The following CCZ1B variants were observed in gnomAD, a reference collection of about 807,000 sequenced individuals.
CCZ1B encodes the protein CCZ1B vacuolar protein trafficking and biogenesis associated, also known as vacuolar fusion protein CCZ1 homolog B.
Under a neutral mutation model 58.8 loss-of-function variants are expected in CCZ1B, and 25 were observed. That is an observed-to-expected ratio of 0.43 (90% CI 0.31 to 0.59). The LOEUF is 0.59. CCZ1B is among the 20% of genes least tolerant of loss of function. CCZ1B has a pLI of 0.12. For synonymous variants in CCZ1B, 66 were observed against 173.2 expected, an observed-to-expected ratio of 0.38 and a Z score of 4.86; for missense variants, 180 against 501.5, an observed-to-expected ratio of 0.36 and a Z score of 6.12.
Position 6,822,340 on chromosome 7 carries a change from C to G in CCZ1B, c.463G>C (p.Ala155Pro). ...AGCTTGACGCCTCCGTCTTCCATGGCTTTCAGAAATGTACCATTAAAAAGC... is the reference window on the plus strand; with the variant it reads ...AGCTTGACGCCTCCGTCTTCCATGGGTTTCAGAAATGTACCATTAAAAAGC... ...YKLFNGTFLK[A>P]MEDGGVKLLK... The change falls in exon 6 of 15, where the codon GCC becomes CCC. Residue 155 changes from alanine (A) to proline (P), a missense_variant. Transcript: ENST00000316731. The G allele has an allele frequency of 6.3e-7, 1 of 1,593,958 alleles. No homozygotes were observed. The highest frequency in any genetic ancestry group is 8.5e-7 in the Non-Finnish European group (1 of 1,174,644).
chr7:6,823,515 CTT>C (rs897480782), intron 4 of CCZ1B, among the ~76,000 whole-genome samples, 155 bp from the exon 5 acceptor site: 17 of 104,874 alleles, frequency 1.6e-4, no homozygotes, highest in South Asian at 9.2e-4. Context: ...TGTTTGCGTT[CTT>C]TTTTTTTTTT....
rs571551167 is a variant in CCZ1B at position 6,811,845 on chromosome 7, A to G, written c.954+107T>C. 10 of 814,176 alleles carry G rather than the reference A, an allele frequency of 1.2e-5. No homozygotes were observed. In the South Asian group the frequency reaches 1.3e-4, roughly 11 times the overall value. The allele number at this position is 814,176 out of a possible 1,614,324, so 50.4% of individuals were successfully genotyped here. A position where few individuals can be genotyped will look rare whatever the true frequency, so the allele number is the denominator to read the frequency against. ...TTTTACCATAATCAGAACTTCCAAT[A>G]TCTTTTCCAAGAAACATTTAAGAGG... On this transcript the variant is annotated intron_variant, in intron 10 of 14. Transcript: ENST00000316731.
At chr7:6,817,878 C>A (rs1297329824) in intron 7 of CCZ1B, among the ~76,000 whole-genome samples, 1 of 148,854 alleles carries the variant, frequency 6.7e-6, no homozygotes, top group Middle Eastern at 3.2e-3. Context: ...GTGGTACTCA[C>A]CTGTAATCCC....
chr7:6,816,545 T>C (rs1219033399), intron 7 of CCZ1B, among the ~76,000 whole-genome samples: 1 of 150,850 alleles, frequency 6.6e-6, no homozygotes, highest in Non-Finnish European at 1.5e-5. Flanking sequence ...ATACTCTGCT[T>C]GTGACAAATG....
chr7:6,812,399 G>T, intron 9 of CCZ1B: 1 of 330,622 alleles, frequency 3.0e-6, no homozygotes, highest in Non-Finnish European at 5.7e-6. Flanking sequence ...TGAGGCAGGG[G>T]AATTGCTTGA....
At chr7:6,812,865 T>A in intron 9 of CCZ1B, 111 bp downstream of exon 9, 1 of 1,545,082 alleles carries the variant, frequency 6.5e-7, no homozygotes, top group Admixed American at 2.0e-5. Context: ...AGGCAGAGGT[T>A]GCAGTGAGCG....
chr7:6,810,928 T>G (rs142437481), intron 10 of CCZ1B, among the ~76,000 whole-genome samples: 15,546 of 122,338 alleles, frequency 0.13, 69 homozygotes, highest in Middle Eastern at 0.24. Flanking sequence ...AGGATGAAGG[T>G]CTCAGTTCTG....
chr7:6,817,896 C>A (rs147240058), intron 7 of CCZ1B, among the ~76,000 whole-genome samples: 3 of 146,740 alleles, frequency 2.0e-5, no homozygotes, highest in Admixed American at 2.0e-4. Flanking sequence ...CCCAGCTACT[C>A]GGGAGGCTGA....
At chr7:6,804,003 G>A (rs1444690382) in intron 12 of CCZ1B, among the ~76,000 whole-genome samples, 14 of 148,452 alleles carry the variant, frequency 9.4e-5, no homozygotes, top group Admixed American at 8.9e-4. Flanking sequence ...ATGAGCGTAT[G>A]CAGAAATTCA....
chr7:6,818,385 C>A lies in CCZ1B; in HGVS notation c.698+1381G>T, dbSNP rs575064350. On this transcript the variant is annotated intron_variant, in intron 7 of 14. Coordinates refer to ENST00000316731, the MANE Select transcript of CCZ1B (RefSeq NM_198097.5). The stretch of plus-strand genomic sequence containing the variant: ...CCAACATGGTAAAACCCTGTCTGTA[C>A]TGAAAATACAAAAATTAGCCGGGCA... Among the ~76,000 whole-genome samples, 3 of 149,294 alleles carry A rather than the reference C, an allele frequency of 2.0e-5. No homozygotes were observed. The East Asian group carries it at 5.8e-4, about 29-fold the overall frequency.
intron 8 of CCZ1B, among the ~76,000 whole-genome samples, chr7:6,813,412 C>T (rs1183249519): frequency 6.7e-6 from 1 of 149,016 alleles, no homozygotes; most frequent in Non-Finnish European, 1.5e-5. Context: ...ATGACGAGAT[C>T]CCATCTCTAC....
At chr7:6,814,930 ATT>A (rs909197470) in intron 7 of CCZ1B, 85 bp from the exon 8 acceptor site, 1 of 1,103,592 alleles carries the variant, frequency 9.1e-7, no homozygotes, top group Non-Finnish European at 1.2e-6. Flanking sequence ...TTAAACAAAA[ATT>A]TTTTTTTCAA....
intron 9 of CCZ1B, 102 bp downstream of exon 9, chr7:6,812,874 C>T (rs187326265): frequency 2.5e-5 from 39 of 1,542,952 alleles, no homozygotes; most frequent in Middle Eastern, 1.9e-4. Flanking sequence ...TTGCAGTGAG[C>T]GGAGATCTTG....
chr7:6,820,286 C>T (rs1238489585), intron 6 of CCZ1B, among the ~76,000 whole-genome samples: 5 of 149,478 alleles, frequency 3.3e-5, no homozygotes, highest in Admixed American at 6.7e-5. Flanking sequence ...TCACACCATT[C>T]TCCTGCCTCA....
chr7:6,812,974 A>G lies in CCZ1B; in HGVS notation c.842+2T>C, dbSNP rs759388263. The G allele has an allele frequency of 1.1e-5, 18 of 1,574,708 alleles. No individual in the cohort carries two copies. Among genetic ancestry groups the G allele is most frequent in the Non-Finnish European group, 1.6e-5 (18 of 1,157,896 alleles). ...TCATAAATCAAAGAACAGAAGTCCT[A>G]CCTTCCATAGTGTTGAAGATTTCCT... On this transcript the variant is annotated splice_donor_variant, in intron 9 of 14. Coordinates refer to ENST00000316731, the MANE Select transcript of CCZ1B (RefSeq NM_198097.5). LOFTEE classifies it high-confidence loss of function.
rs1465970538 is a variant in CCZ1B, at chr7:6,826,171, C to A, written c.27G>T (p.Gly9=). 13 of 546,932 alleles carry A rather than the reference C, an allele frequency of 2.4e-5. No individual in the cohort carries two copies. Among genetic ancestry groups the A allele is most frequent in the African/African-American group, 2.1e-4 (10 of 47,642 alleles). 33.9% of individuals were successfully genotyped at this position (546,932 alleles called of 1,614,324 possible). MAAAAAGA[G]SGPWAAQEKQ... is the part of the protein sequence containing the mutation. ...TCTCCTGGGCCGCCCAGGGCCCGCTCCCGGCCCCGGCCGCCGCTGCAGCCA... is the reference window on the plus strand; with the variant it reads ...TCTCCTGGGCCGCCCAGGGCCCGCTACCGGCCCCGGCCGCCGCTGCAGCCA... The change falls in exon 1 of 15, where the codon GGG becomes GGT. Residue 9 remains glycine, a synonymous_variant. Transcript: ENST00000316731.
chr7:6,815,672 G>T (rs963404362), intron 7 of CCZ1B, among the ~76,000 whole-genome samples: 4 of 148,954 alleles, frequency 2.7e-5, no homozygotes, highest in African/African-American at 1.0e-4. Flanking sequence ...GGAAGGTAAA[G>T]AGTTAAACTT....
intron 8 of CCZ1B, among the ~76,000 whole-genome samples, chr7:6,814,240 A>C (rs1782962156): frequency 6.8e-6 from 1 of 147,940 alleles, no homozygotes; most frequent in Non-Finnish European, 1.5e-5. Flanking sequence ...ACTCCTCTTA[A>C]AAACATGCTT....
rs537868003 is a variant in CCZ1B at position 6,818,699 on chromosome 7, A to T, written c.698+1067T>A. ...AAAGAAAGAAAGAAAGAAAGACAAG[A>T]AAGAAAGAAAGACAAGAAAGAAAGA... On this transcript the variant is annotated intron_variant, in intron 7 of 14. Transcript: ENST00000316731. Among the ~76,000 whole-genome samples the T allele has an allele frequency of 2.7e-3, 372 of 135,528 alleles. 46 individuals are homozygous for T. The highest frequency in any genetic ancestry group is 9.9e-3 in the African/African-American group (346 of 34,984). 88.9% of individuals were successfully genotyped at this position (135,528 alleles called of 152,430 possible).
Sources: allele counts gnomAD v4.1 joint callset (sites outside exome capture counted in the v4.1 genomes callset), GRCh38; gene constraint gnomAD v4.1.1; transcripts MANE v1.5; gene names NCBI Gene and HGNC (gene_info 2026-07-23, HGNC 2026-07-21).